MTOR: variants seen among roughly 807,000 people sequenced by gnomAD.
MTOR encodes the protein serine/threonine-protein kinase mTOR.
In MTOR, 70 loss-of-function variants were observed where a neutral mutation model predicts 319.8. The ratio of observed to expected loss-of-function variants is 0.22; its 90% confidence interval spans 0.18 to 0.27. The LOEUF (loss-of-function observed/expected upper bound fraction) is 0.27, where lower values mean the gene tolerates loss of function less well. MTOR is among the 10% of genes least tolerant of loss of function. The probability of loss-of-function intolerance (pLI) is 1.00; values close to 1 mark genes in which losing one functional copy is unlikely to be tolerated. For synonymous variants in MTOR, 1,183 were observed against 1,211.4 expected (o/e 0.98, Z 0.49); for missense variants, 1,890 against 3,274.4 (o/e 0.58, Z 10.32).
At chr1:11,227,015 C>T (rs977448027) in intron 19 of MTOR, among the ~76,000 whole-genome samples, 21 of 132,266 alleles carry the variant, frequency 1.6e-4, no homozygotes, top group Admixed American at 4.5e-4. Flanking sequence ...ATAAGAATTC[C>T]GGCCAGGCGT....
chr1:11,245,642 T>A (rs773342485), intron 8 of MTOR, among the ~76,000 whole-genome samples: 15 of 152,192 alleles, frequency 9.9e-5, no homozygotes, highest in Non-Finnish European at 2.1e-4. Flanking sequence ...CTCATGTCTG[T>A]AATCCCAAGC....
Position 11,193,821 on chromosome 1 carries a change from CAT to C in MTOR, c.4253+5435_4253+5436del, listed in dbSNP as rs780763917. 1.3e-4 allele frequency: 214 copies of C among 1,587,408 alleles called. 1 individual carries two copies. In the African/African-American group the frequency reaches 2.7e-3, roughly 20 times the overall value. ...CCATGACTGGACCAGTGCCACCACA[CAT>C]GACCGCGTACAACTCCGGGGGTGCC... On this transcript the variant is annotated intron_variant, in intron 28 of 57. Coordinates refer to ENST00000361445, the MANE Select transcript of MTOR (RefSeq NM_004958.4).
chr1:11,108,315 C>T (rs1321136171), intron 56 of MTOR, 29 bp from the exon 57 acceptor site: 1 of 1,558,846 alleles, frequency 6.4e-7, no homozygotes, highest in African/African-American at 1.4e-5. Context: ...AAACATTTCA[C>T]TCTCTTCCTG....
rs538321498 is a variant in MTOR, at chr1:11,206,168, T to A, written c.3802-1465A>T. On this transcript the variant is annotated intron_variant, in intron 25 of 57. Transcript: ENST00000361445. ...TGCTCTGTTGAGCACAATGGGAACA[T>A]CCAGTCCTTTCCTGCCCACAGATAC... Among the ~76,000 whole-genome samples the A allele has an allele frequency of 1.4e-3, 210 of 152,360 alleles. 2 individuals carry two copies. Among genetic ancestry groups the A allele is most frequent in the South Asian group, 5.2e-3 (25 of 4,832 alleles).
rs1026835712 is a variant in MTOR at position 11,143,137 on chromosome 1, T to C, written c.4872+1511A>G. Among the ~76,000 whole-genome samples, 31 of 152,346 alleles carry C rather than the reference T, an allele frequency of 2.0e-4. 1 individual carries two copies. The highest frequency in any genetic ancestry group is 2.0e-3 in the Admixed American group (30 of 15,306). ...CAGAAAAAAGTACACTGAGTGATTGTTTTTTGTGACTTCTCACCAATAGTT... is the reference window on the plus strand; with the variant it reads ...CAGAAAAAAGTACACTGAGTGATTGCTTTTTGTGACTTCTCACCAATAGTT... On this transcript the variant is annotated intron_variant, in intron 34 of 57. Transcript: ENST00000361445.
chr1:11,118,615 CTTCT>C (rs1307475643), intron 49 of MTOR, among the ~76,000 whole-genome samples: 90 of 142,490 alleles, frequency 6.3e-4, no homozygotes, highest in African/African-American at 1.9e-3. Context: ...TCTTTTTCTT[CTTCT>C]TTTTTTTTTT....
intron 28 of MTOR, among the ~76,000 whole-genome samples, chr1:11,179,916 T>A (rs1645093388): frequency 6.6e-6 from 1 of 152,176 alleles, no homozygotes. Context: ...GGAATGTGGT[T>A]TTTTGTTTGT....
chr1:11,157,387 G>A lies in MTOR; in HGVS notation c.4330-96C>T, dbSNP rs558487716. 18 of 1,400,810 alleles carry A rather than the reference G, an allele frequency of 1.3e-5. No homozygotes were observed. The South Asian group carries it at 1.5e-4, about 11-fold the overall frequency. 86.8% of individuals were successfully genotyped at this position (1,400,810 alleles called of 1,614,324 possible). On this transcript the variant is annotated intron_variant, in intron 29 of 57. Coordinates refer to ENST00000361445, the MANE Select transcript of MTOR (RefSeq NM_004958.4). The stretch of plus-strand genomic sequence containing the variant: ...TCTCTTTCCTAATGTGCTGCTGTAC[G>A]CATGACACTTCACCTATCACAGTTA...
intron 54 of MTOR, 90 bp downstream of exon 54, chr1:11,112,762 G>A (rs1048179937): frequency 8.2e-6 from 11 of 1,341,664 alleles, no homozygotes; most frequent in Admixed American, 1.7e-5. Flanking sequence ...AACGTCCTGC[G>A]GGATGCACCC....
intron 26 of MTOR, among the ~76,000 whole-genome samples, chr1:11,202,513 A>G (rs1316431435): frequency 6.6e-6 from 1 of 151,504 alleles, no homozygotes; most frequent in Non-Finnish European, 1.5e-5. Flanking sequence ...GGTACGATGT[A>G]CACTATTATT....
intron 19 of MTOR, among the ~76,000 whole-genome samples, chr1:11,222,028 C>G (rs1004232175): frequency 6.6e-6 from 1 of 151,316 alleles, no homozygotes; most frequent in Non-Finnish European, 1.5e-5. Flanking sequence ...AGGTGCCTGG[C>G]TCACCTCTGA....
rs750527139 is a variant in MTOR, at chr1:11,241,320, C to CAA, written c.1541+231_1541+232dup. ...TGGGCGACAGAGCGAGACCCCTTCT[C>CAA]AAAAAAAAAAAAAAAAAAAAATGAG... On this transcript the variant is annotated intron_variant, in intron 10 of 57. Coordinates refer to ENST00000361445, the MANE Select transcript of MTOR (RefSeq NM_004958.4). 0.094 allele frequency among the ~76,000 whole-genome samples: 4,969 copies of CAA among 52,794 alleles called. 182 individuals are homozygous for CAA. Among genetic ancestry groups the CAA allele is most frequent in the South Asian group, 0.18 (319 of 1,812 alleles). 34.6% of individuals were successfully genotyped at this position (52,794 alleles called of 152,430 possible).
At chr1:11,258,086 G>A (rs1038683976) in intron 3 of MTOR, among the ~76,000 whole-genome samples, 3 of 149,730 alleles carry the variant, frequency 2.0e-5, no homozygotes, top group Admixed American at 6.8e-5. Context: ...CTCCAGCCCC[G>A]GCAAGAGTGA....
At chr1:11,257,810 G>A (rs1189382412) in intron 3 of MTOR, among the ~76,000 whole-genome samples, 15 of 152,064 alleles carry the variant, frequency 9.9e-5, no homozygotes, top group Non-Finnish European at 2.2e-4. Flanking sequence ...GTCCTTAGAA[G>A]TTAAAAATGA....
In MTOR at chr1:11,247,985, G is replaced by T; in HGVS notation, c.950C>A (p.Thr317Asn). ...CTGGGGCTGTACAGCCTGGAAACTG[G>T]TGAAGGGGGTAATGTGACGAGGTTT... ...GTKPRHITPFTSFQAVQPQQS... is the reference protein window; with the variant it reads ...GTKPRHITPFNSFQAVQPQQS... The change falls in exon 7 of 58, where the codon ACC becomes AAC. Residue 317 changes from threonine (T) to asparagine (N), a missense_variant. By Grantham distance (65) the Thr-to-Asn change is moderately conservative (BLOSUM62 0). Coordinates refer to ENST00000361445, the MANE Select transcript of MTOR (RefSeq NM_004958.4). 1 of 1,614,176 alleles carries T rather than the reference G, an allele frequency of 6.2e-7. No homozygotes were observed. The highest frequency in any genetic ancestry group is 1.7e-5 in the Admixed American group (1 of 60,018).
intron 49 of MTOR, among the ~76,000 whole-genome samples, chr1:11,117,591 ATC>A (rs1642238208): frequency 6.6e-6 from 1 of 152,232 alleles, no homozygotes; most frequent in Admixed American, 6.5e-5. Flanking sequence ...AGACTTAAAG[ATC>A]TGAGTAAATG....
chr1:11,132,309 A>G (rs1014276719), intron 38 of MTOR: 4 of 152,154 alleles, frequency 2.6e-5, no homozygotes, highest in African/African-American at 9.7e-5. Flanking sequence ...AGAGAGTATT[A>G]CTCTTATGAC....
Position 11,115,140 on chromosome 1 carries a change from T to C in MTOR, c.7090-253A>G, listed in dbSNP as rs181120572. ...CAAATGTGCATCGTGTCCAGGCTCT[T>C]GGGCAACAGGTGGTATGGAGGGTAG... On this transcript the variant is annotated intron_variant, in intron 51 of 57. Coordinates refer to ENST00000361445, the MANE Select transcript of MTOR (RefSeq NM_004958.4). This position sits in a 1 kb window ranked among gnomAD's most constrained non-coding sequence, Gnocchi z 4.5. Among the ~76,000 whole-genome samples the C allele has an allele frequency of 1.7e-3, 263 of 152,130 alleles. 1 individual carries two copies. The highest frequency in any genetic ancestry group is 6.8e-3 in the Middle Eastern group (2 of 294).
rs1253520099 is a variant in MTOR at position 11,243,240 on chromosome 1, T to C, written c.1286A>G (p.Glu429Gly). ...CAGGGCTTGGAAGGCCGCTGTACGTTCCTTCTCCTTCTTGACACAGCTTAG... is the reference window on the plus strand; with the variant it reads ...CAGGGCTTGGAAGGCCGCTGTACGTCCCTTCTCCTTCTTGACACAGCTTAG... Reference protein sequence around the residue: ...HVLSCVKKEKERTAAFQALGL... With the variant: ...HVLSCVKKEKGRTAAFQALGL... Residue 429 changes from glutamate to glycine, a missense_variant, in exon 9 of 58, where the codon GAA (glutamate) becomes GGA (glycine). By Grantham distance (98) the Glu-to-Gly change is moderately conservative. This residue lies in a region of MTOR where 418 missense variants were observed against 543.1 expected (regional missense o/e 0.77). Transcript: ENST00000361445. 6.2e-7 allele frequency: 1 copy of C among 1,614,170 alleles called. No individual in the cohort carries two copies. Among genetic ancestry groups the C allele is most frequent in the Non-Finnish European group, 8.5e-7 (1 of 1,180,034 alleles).
Sources: allele counts gnomAD v4.1 joint callset (sites outside exome capture counted in the v4.1 genomes callset), GRCh38; gene constraint gnomAD v4.1.1; regional missense constraint gnomAD v4.1.1; non-coding constraint Gnocchi (gnomAD v3.1); transcripts MANE v1.5; gene names NCBI Gene and HGNC (gene_info 2026-07-23, HGNC 2026-07-21).